MOGAT1: variants seen among roughly 807,000 people sequenced by gnomAD.
MOGAT1 encodes the protein monoacylglycerol O-acyltransferase 1.
In MOGAT1, 32 loss-of-function variants were observed where a neutral mutation model predicts 31.4. The ratio of observed to expected loss-of-function variants is 1.02; its 90% CI spans 0.77 to 1.37. The LOEUF (loss-of-function observed/expected upper bound fraction) is 1.37, where lower values mean the gene tolerates loss of function less well. Among genes scored for constraint, MOGAT1 ranks in the 40% most tolerant of loss-of-function variants. The pLI, the probability that MOGAT1 is intolerant of heterozygous loss-of-function variation, is 0.00. For synonymous variants in MOGAT1, 145 were observed against 144.5 expected, an observed-to-expected ratio of 1.00 and a Z score of -0.03; for missense variants, 426 against 402.0, an observed-to-expected ratio of 1.06 and a Z score of -0.51.
chr2:222,707,157 A>G (rs920319416), intron 5 of MOGAT1, among the ~76,000 whole-genome samples: 5 of 151,960 alleles, frequency 3.3e-5, no homozygotes, highest in African/African-American at 1.2e-4. Context: ...ACACCATTAC[A>G]GTCTAGCATG....
chr2:222,685,094 T>C (rs1310633698), intron 1 of MOGAT1, among the ~76,000 whole-genome samples: 2 of 152,168 alleles, frequency 1.3e-5, no homozygotes, highest in African/African-American at 4.8e-5. Flanking sequence ...ATACAGAATA[T>C]TTAAAAATGT....
chr2:222,704,377 C>T (rs1278190227), intron 5 of MOGAT1, among the ~76,000 whole-genome samples: 1 of 152,134 alleles, frequency 6.6e-6, no homozygotes, highest in African/African-American at 2.4e-5. Context: ...GTAATCCCAG[C>T]ACTTTGGGAG....
intron 1 of MOGAT1, among the ~76,000 whole-genome samples, chr2:222,687,199 G>A (rs1692688749): frequency 6.7e-6 from 1 of 149,824 alleles, no homozygotes; most frequent in Non-Finnish European, 1.5e-5. Context: ...AAACATGTAT[G>A]TCAGTATATA....
At chr2:222,694,793 A>G (rs1228707676) in intron 4 of MOGAT1, among the ~76,000 whole-genome samples, 2 of 152,342 alleles carry the variant, frequency 1.3e-5, no homozygotes, top group East Asian at 3.9e-4. Context: ...CATTCTATAT[A>G]TACAGTGTAA....
rs1574970379 is a variant in MOGAT1 at position 222,681,878 on chromosome 2, T to G, written c.95-6466T>G. 4.6e-5 allele frequency among the ~76,000 whole-genome samples: 7 copies of G among 152,216 alleles called. No individual in the cohort carries two copies. In the South Asian group the frequency reaches 1.5e-3, roughly 32 times the overall value. Reference sequence around the variant, plus strand: ...CCTGTTGATCAGGAAATTACAACCGTTTTAGGAGCCCTAGGCCAGGAACTG... The same window carrying G: ...CCTGTTGATCAGGAAATTACAACCGGTTTAGGAGCCCTAGGCCAGGAACTG... On this transcript the variant is annotated intron_variant, in intron 1 of 5. Transcript: ENST00000446656.
At chr2:222,672,619 G>C (rs897513701) in intron 1 of MOGAT1, among the ~76,000 whole-genome samples, 1 of 152,034 alleles carries the variant, frequency 6.6e-6, no homozygotes, top group Non-Finnish European at 1.5e-5. Context: ...GGGTGATGTG[G>C]GAGGAGGGAG....
intron 1 of MOGAT1, among the ~76,000 whole-genome samples, chr2:222,678,770 G>T (rs777669461): frequency 1.8e-4 from 28 of 152,230 alleles, no homozygotes; most frequent in Middle Eastern, 3.4e-3. Flanking sequence ...GGGACACCCT[G>T]CCTCTACTAA....
rs186431895 is a variant in MOGAT1, at chr2:222,680,445, A to T, written c.95-7899A>T. 1.5e-3 allele frequency among the ~76,000 whole-genome samples: 230 copies of T among 152,322 alleles called. 1 individual carries two copies. Among genetic ancestry groups the T allele is most frequent in the Admixed American group, 0.013 (200 of 15,296 alleles). On this transcript the variant is annotated intron_variant, in intron 1 of 5. Coordinates refer to ENST00000446656, the MANE Select transcript of MOGAT1 (RefSeq NM_058165.3). ...TTTCCCTGTATGTAACACTTTTTAAAAGCAGTGTAGAATAAACACACATAT... is the reference window on the plus strand; with the variant it reads ...TTTCCCTGTATGTAACACTTTTTAATAGCAGTGTAGAATAAACACACATAT...
intron 4 of MOGAT1, 68 bp downstream of exon 4, chr2:222,694,604 A>T (rs1692814957): frequency 6.7e-7 from 1 of 1,484,388 alleles, no homozygotes; most frequent in African/African-American, 1.4e-5. Context: ...ACCACGAAGA[A>T]GTAAGGTGAT....
At chr2:222,686,461 C>T (rs1692670285) in intron 1 of MOGAT1, among the ~76,000 whole-genome samples, 1 of 152,312 alleles carries the variant, frequency 6.6e-6, no homozygotes, top group Admixed American at 6.5e-5. Flanking sequence ...AAGAATGAGG[C>T]CCACATGTTT....
chr2:222,686,223 A>G (rs989549187), intron 1 of MOGAT1, among the ~76,000 whole-genome samples: 1 of 152,208 alleles, frequency 6.6e-6, no homozygotes, highest in African/African-American at 2.4e-5. Context: ...GAAAAAGTGC[A>G]TGGATTTAAG....
chr2:222,677,461 A>G (rs1404478053), intron 1 of MOGAT1, among the ~76,000 whole-genome samples: 1 of 152,196 alleles, frequency 6.6e-6, no homozygotes, highest in African/African-American at 2.4e-5. Flanking sequence ...GAAATCAGAA[A>G]TTTTGAAGCA....
intron 5 of MOGAT1, chr2:222,698,476 T>A (rs1439755588): frequency 6.6e-6 from 1 of 152,200 alleles, no homozygotes; most frequent in Non-Finnish European, 1.5e-5. Context: ...ATGCTGGTGA[T>A]CCTGAACAGG....
rs1263225057 is a variant in MOGAT1, at chr2:222,690,639, G to C, written c.478+1170G>C. ...CCTATTAATCTCTCAAGTCACTACT[G>C]TCATTATATACCTGGTAGCATATCA... is the stretch of plus-strand genomic sequence containing the variant. On this transcript the variant is annotated intron_variant, in intron 3 of 5. Coordinates refer to ENST00000446656, the MANE Select transcript of MOGAT1 (RefSeq NM_058165.3). Among the ~76,000 whole-genome samples, 3 of 152,162 alleles carry C rather than the reference G, an allele frequency of 2.0e-5. No homozygotes were observed. In the East Asian group the frequency reaches 5.8e-4, roughly 29 times the overall value.
At chr2:222,690,986 G>A (rs1692751009) in intron 3 of MOGAT1, among the ~76,000 whole-genome samples, 1 of 152,190 alleles carries the variant, frequency 6.6e-6, no homozygotes, top group African/African-American at 2.4e-5. Flanking sequence ...CATTGCCGCA[G>A]TGAGTTTGAG....
At chr2:222,695,743 C>G (rs1001526203) in intron 5 of MOGAT1, among the ~76,000 whole-genome samples, 1 of 151,898 alleles carries the variant, frequency 6.6e-6, no homozygotes, top group Non-Finnish European at 1.5e-5. Flanking sequence ...TATATATATT[C>G]TGCTATTCTG....
intron 1 of MOGAT1, among the ~76,000 whole-genome samples, chr2:222,687,113 CAAAAAAAAAAAAA>C (rs1177781176): frequency 0.025 from 566 of 22,456 alleles, 11 homozygotes; most frequent in African/African-American, 0.081. Context: ...GACTCCATCT[CAAAAAAAAAAAAA>C]AAAAAAAAAA....
intron 4 of MOGAT1, 142 bp from the exon 5 acceptor site, chr2:222,694,947 A>G (rs1239799655): frequency 9.3e-6 from 5 of 540,468 alleles, no homozygotes; most frequent in African/African-American, 3.9e-5. Flanking sequence ...GACAGTTTCA[A>G]TGAACGTGAA....
At chr2:222,699,906 T>A (rs1692895489) in intron 5 of MOGAT1, among the ~76,000 whole-genome samples, 1 of 152,238 alleles carries the variant, frequency 6.6e-6, no homozygotes, top group Non-Finnish European at 1.5e-5. Context: ...GGATTTCATA[T>A]GACATTATTC....
Sources: allele counts gnomAD v4.1 joint callset (sites outside exome capture counted in the v4.1 genomes callset), GRCh38; gene constraint gnomAD v4.1.1; transcripts MANE v1.5; gene names NCBI Gene and HGNC (gene_info 2026-07-23, HGNC 2026-07-21).